NCOA1: variants seen among roughly 807,000 people sequenced by gnomAD.
NCOA1 encodes the protein nuclear receptor coactivator 1.
A neutral mutation model predicts 150.9 loss-of-function variants in NCOA1; 35 were observed. That is an observed-to-expected ratio of 0.23 (90% confidence interval 0.18 to 0.31). The LOEUF (loss-of-function observed/expected upper bound fraction) is 0.31. Ranked by LOEUF, NCOA1 falls within the 10% of genes least tolerant of loss-of-function variation. The pLI is 1.00. For missense variants in NCOA1, 1,491 were observed against 1,749.3 expected, an observed-to-expected ratio of 0.85 and a Z score of 2.63; for synonymous variants, 590 against 630.0, an observed-to-expected ratio of 0.94 and a Z score of 0.95.
At chr2:24,620,199 A>T (rs372437546) in intron 3 of NCOA1, among the ~76,000 whole-genome samples, 1 of 152,258 alleles carries the variant, frequency 6.6e-6, no homozygotes, top group African/African-American at 2.4e-5. Flanking sequence ...TCATCTTGCA[A>T]TAATAAACTG....
chr2:24,648,019 A>G (rs749488079), intron 4 of NCOA1, among the ~76,000 whole-genome samples: 37 of 152,198 alleles, frequency 2.4e-4, no homozygotes, highest in Admixed American at 5.2e-4. Context: ...CACTTGTTCC[A>G]AGTTAGTCTT....
At position 24,769,615 on chromosome 2, in the gene NCOA1, T is replaced by A. The variant is rs188107574; in HGVS notation, c.*1224T>A. The A allele has an allele frequency of 2.4e-5, 5 of 205,720 alleles. No homozygotes were observed. The highest frequency in any genetic ancestry group is 3.2e-3 in the Middle Eastern group (2 of 632). The allele number at this position is 205,720 out of a possible 1,614,324, so 12.7% of individuals were successfully genotyped here. On this transcript the variant is annotated 3_prime_UTR_variant, in exon 23 of 23. Coordinates refer to ENST00000348332, the MANE Select transcript of NCOA1 (RefSeq NM_003743.5). Reference sequence around the variant, plus strand: ...GAAATCTTCATTTTTTAGATTGACTTTGGGAATTTGAATTTTCATCAGTGC... The same window carrying A: ...GAAATCTTCATTTTTTAGATTGACTATGGGAATTTGAATTTTCATCAGTGC...
At chr2:24,614,553 G>GT (rs1558840663) in intron 3 of NCOA1, among the ~76,000 whole-genome samples, 4 of 151,680 alleles carry the variant, frequency 2.6e-5, no homozygotes, top group African/African-American at 9.7e-5. Flanking sequence ...TATATCAGAC[G>GT]TTTAAAATAG....
intron 3 of NCOA1, among the ~76,000 whole-genome samples, chr2:24,594,272 G>A (rs956826100): frequency 1.3e-5 from 2 of 151,898 alleles, no homozygotes; most frequent in African/African-American, 4.8e-5. Context: ...TTATGATTTC[G>A]TAACTTACTG....
chr2:24,657,125 G>A (rs530817197), intron 4 of NCOA1, among the ~76,000 whole-genome samples: 28 of 152,090 alleles, frequency 1.8e-4, no homozygotes, highest in African/African-American at 6.5e-4. Flanking sequence ...ATTTCTTCCC[G>A]GCACGGAAGC....
chr2:24,507,511 G>A (rs1327698822), intron 1 of NCOA1, among the ~76,000 whole-genome samples: 2 of 145,974 alleles, frequency 1.4e-5, no homozygotes, highest in Non-Finnish European at 3.0e-5. Flanking sequence ...TTTGATACAT[G>A]CATACAATGT....
intron 14 of NCOA1, 157 bp downstream of exon 14, chr2:24,711,268 G>A: frequency 3.0e-6 from 2 of 666,608 alleles, no homozygotes; most frequent in Non-Finnish European, 4.7e-6. Flanking sequence ...TTAGGCATGT[G>A]AACATCATTC....
In NCOA1 at chr2:24,673,351, GTTTC is replaced by G; in HGVS notation, c.257-11_257-8del. ...CTTTTCAGATATGTGATTTTTTTAA[GTTTC>G]TTTATTATAGAGAAATCAACAACTG... On this transcript the variant is annotated splice_polypyrimidine_tract_variant and intron_variant, in intron 6 of 22. Coordinates refer to ENST00000348332, the MANE Select transcript of NCOA1 (RefSeq NM_003743.5). 1 of 1,504,308 alleles carries G rather than the reference GTTTC, an allele frequency of 6.6e-7. No homozygotes were observed. The highest frequency in any genetic ancestry group is 8.9e-7 in the Non-Finnish European group (1 of 1,121,194). 93.2% of individuals were successfully genotyped at this position (1,504,308 alleles called of 1,614,324 possible).
At chr2:24,523,605 CAAAAA>C (rs979559677) in intron 1 of NCOA1, among the ~76,000 whole-genome samples, 903 of 17,694 alleles carry the variant, frequency 0.051, 58 homozygotes, top group Middle Eastern at 1. Context: ...GACTCCGTCT[CAAAAA>C]AAAAAAAAAA....
chr2:24,728,592 C>T, intron 16 of NCOA1, 116 bp downstream of exon 16: 2 of 819,004 alleles, frequency 2.4e-6, no homozygotes, highest in South Asian at 2.9e-5. Flanking sequence ...TATAATTTAC[C>T]TCTTGTGAAA....
chr2:24,649,177 C>A lies in NCOA1; in HGVS notation c.-18+5055C>A, dbSNP rs1475895336. ...ATTCCTGGCTCAAACAATTCTCCCA[C>A]CTCAGACTCCTGAGTAGTTGGGATT... On this transcript the variant is annotated intron_variant, in intron 4 of 22. Coordinates refer to ENST00000348332, the MANE Select transcript of NCOA1 (RefSeq NM_003743.5). 2.0e-5 allele frequency among the ~76,000 whole-genome samples: 3 copies of A among 152,286 alleles called. No individual in the cohort carries two copies. In the East Asian group the frequency reaches 5.8e-4, roughly 29 times the overall value.
chr2:24,696,547 A>G (rs1672907283), intron 10 of NCOA1, among the ~76,000 whole-genome samples: 1 of 152,252 alleles, frequency 6.6e-6, no homozygotes, highest in Non-Finnish European at 1.5e-5. Flanking sequence ...GTGGAAGCAT[A>G]GAGTGGTACA....
At chr2:24,580,792 T>C (rs914595119) in intron 2 of NCOA1, among the ~76,000 whole-genome samples, 1 of 152,250 alleles carries the variant, frequency 6.6e-6, no homozygotes, top group Non-Finnish European at 1.5e-5. Flanking sequence ...TTGGCATCTG[T>C]GGATTGCCTT....
chr2:24,517,955 G>A (rs1221430605), intron 1 of NCOA1, among the ~76,000 whole-genome samples: 1 of 152,080 alleles, frequency 6.6e-6, no homozygotes, highest in Non-Finnish European at 1.5e-5. Context: ...GTTCCTTCTG[G>A]TAGTTGTCTA....
At chr2:24,728,033 CTGTT>C (rs1254784800) in intron 15 of NCOA1, among the ~76,000 whole-genome samples, 3 of 152,058 alleles carry the variant, frequency 2.0e-5, no homozygotes, top group African/African-American at 4.8e-5. Context: ...CCTTTCTTAA[CTGTT>C]TGGTTAATTT....
intron 7 of NCOA1, among the ~76,000 whole-genome samples, chr2:24,681,729 C>A (rs1426281323): frequency 6.9e-6 from 1 of 144,690 alleles, no homozygotes. Context: ...TTTTTTGAGA[C>A]GGAGTCTTGG....
chr2:24,732,693 A>G (rs1245677924), intron 17 of NCOA1, among the ~76,000 whole-genome samples: 1 of 152,258 alleles, frequency 6.6e-6, no homozygotes, highest in Non-Finnish European at 1.5e-5. Context: ...AAATGAAAGC[A>G]GACCAAGGTG....
At chr2:24,662,668 A>G (rs1310655337) in intron 5 of NCOA1, among the ~76,000 whole-genome samples, 1 of 152,230 alleles carries the variant, frequency 6.6e-6, no homozygotes, top group Non-Finnish European at 1.5e-5. Flanking sequence ...CTGGAAAGTA[A>G]TGTCATTATC....
rs1318682478 is a variant in NCOA1, at chr2:24,759,723, G to A, written c.4065+1567G>A. Among the ~76,000 whole-genome samples the A allele has an allele frequency of 1.3e-5, 2 of 151,886 alleles. 1 individual carries two copies. The highest frequency in any genetic ancestry group is 4.8e-5 in the African/African-American group (2 of 41,346). On this transcript the variant is annotated intron_variant, in intron 21 of 22. Coordinates refer to ENST00000348332, the MANE Select transcript of NCOA1 (RefSeq NM_003743.5). Reference sequence around the variant, plus strand: ...TTCAAATGATACTATATCACCTCATGTATAGAGGTGTATATTATATCACCT... The same window carrying A: ...TTCAAATGATACTATATCACCTCATATATAGAGGTGTATATTATATCACCT...
Sources: allele counts gnomAD v4.1 joint callset (sites outside exome capture counted in the v4.1 genomes callset), GRCh38; gene constraint gnomAD v4.1.1; transcripts MANE v1.5; gene names NCBI Gene and HGNC (gene_info 2026-07-23, HGNC 2026-07-21).